Variants in DNAJA2 observed in about 807,000 individuals in gnomAD.
DNAJA2 encodes the protein dnaJ homolog subfamily A member 2.
A neutral mutation model predicts 49.3 loss-of-function variants in DNAJA2; 6 were observed. The observed-to-expected ratio is 0.12, with a 90% CI of 0.07 to 0.24. The LOEUF is 0.24. Ranked by LOEUF, DNAJA2 falls within the 10% of genes least tolerant of loss-of-function variation. The probability of loss-of-function intolerance (pLI) is 1.00; values close to 1 mark genes in which losing one functional copy is unlikely to be tolerated. For synonymous variants in DNAJA2, 160 were observed against 172.7 expected (o/e 0.93, Z 0.58); for missense variants, 347 against 516.8 (o/e 0.67, Z 3.19).
chr16:46,964,971 G>T (rs948455960), intron 5 of DNAJA2, among the ~76,000 whole-genome samples, 164 bp from the exon 6 acceptor site: 6 of 152,144 alleles, frequency 3.9e-5, no homozygotes, highest in African/African-American at 4.8e-5. Flanking sequence ...TGCAATCCCA[G>T]CATTTTGCGA....
chr16:46,963,575 C>A (rs530209136), intron 6 of DNAJA2, among the ~76,000 whole-genome samples: 1 of 151,088 alleles, frequency 6.6e-6, no homozygotes, highest in East Asian at 1.9e-4. Context: ...TGATGGTGCA[C>A]CAGTTGTCCC....
Position 46,958,704 on chromosome 16 carries a change from G to C in DNAJA2, c.1047+299C>G, listed in dbSNP as rs1160481442. On this transcript the variant is annotated intron_variant, in intron 8 of 8. Transcript: ENST00000317089. ...TAAGGCATGAGAATCACTTGAACCT[G>C]GGAGGCGGGGGGTACAGTGAGCCGA... 8 of 260,418 alleles carry C rather than the reference G, an allele frequency of 3.1e-5. No individual in the cohort carries two copies. The East Asian group carries it at 4.3e-4, about 14-fold the overall frequency. The allele number at this position is 260,418 out of a possible 1,614,324, so 16.1% of individuals were successfully genotyped here.
Position 46,971,576 on chromosome 16 carries a change from T to G in DNAJA2, c.139-4A>C. The stretch of plus-strand genomic sequence containing the variant: ...ATGCAAAACTTATTTCTTTAAACTA[T>G]AAAGAAAAGGTAAAAATAAAAATAA... On this transcript the variant is annotated splice_polypyrimidine_tract_variant and splice_region_variant and intron_variant, in intron 2 of 8. Coordinates refer to ENST00000317089, the MANE Select transcript of DNAJA2 (RefSeq NM_005880.4). 1 of 1,478,162 alleles carries G rather than the reference T, an allele frequency of 6.8e-7. No homozygotes were observed. 91.6% of individuals were successfully genotyped at this position (1,478,162 alleles called of 1,614,324 possible).
At chr16:46,957,285 T>TA in intron 8 of DNAJA2, 65 bp from the exon 9 acceptor site, 1 of 1,389,760 alleles carries the variant, frequency 7.2e-7, no homozygotes, top group African/African-American at 1.4e-5. Flanking sequence ...TTTTGATACA[T>TA]AGAATCCAGT....
chr16:46,968,608 C>A (rs1410419746), intron 3 of DNAJA2, among the ~76,000 whole-genome samples: 1 of 152,192 alleles, frequency 6.6e-6, no homozygotes, highest in Non-Finnish European at 1.5e-5. Flanking sequence ...ACATAGGTAT[C>A]TGGCTCCAGA....
chr16:46,965,690 G>A (rs1228438278), intron 5 of DNAJA2, among the ~76,000 whole-genome samples: 2 of 151,838 alleles, frequency 1.3e-5, no homozygotes, highest in Non-Finnish European at 2.9e-5. Context: ...AATCAGCCGG[G>A]CGTGGTGGCA....
chr16:46,964,462 G>C (rs952029198), intron 6 of DNAJA2, 149 bp downstream of exon 6: 4 of 686,746 alleles, frequency 5.8e-6, no homozygotes, highest in East Asian at 5.5e-5. Flanking sequence ...TCTTACACAA[G>C]CCCGTCTTAG....
intron 5 of DNAJA2, among the ~76,000 whole-genome samples, chr16:46,966,123 C>T (rs1225801133): frequency 1.3e-5 from 2 of 151,970 alleles, no homozygotes; most frequent in Non-Finnish European, 2.9e-5. Flanking sequence ...AATTGTGGGG[C>T]GAGGGGCTGA....
At chr16:46,965,025 C>A (rs1242818357) in intron 5 of DNAJA2, among the ~76,000 whole-genome samples, 2 of 152,056 alleles carry the variant, frequency 1.3e-5, no homozygotes, top group African/African-American at 4.8e-5. Flanking sequence ...CTGAGACCAG[C>A]CTAGCAACAC....
rs35534956 is a variant in DNAJA2, at chr16:46,956,437, T to TAAAAAA, written c.*586_*591dup. On this transcript the variant is annotated 3_prime_UTR_variant, in exon 9 of 9. Coordinates refer to ENST00000317089, the MANE Select transcript of DNAJA2 (RefSeq NM_005880.4). ...GTTTCAGAAACCTTTCACAAGATGGTAAAAAAAAAAAAAAAGAAAAAAGAA... is the reference window on the plus strand; with the variant it reads ...GTTTCAGAAACCTTTCACAAGATGGTAAAAAAAAAAAAAAAAAAAAAGAAAAAAGAA... 1 of 124,790 alleles carries TAAAAAA rather than the reference T, an allele frequency of 8.0e-6. No individual in the cohort carries two copies. Among genetic ancestry groups the TAAAAAA allele is most frequent in the African/African-American group, 3.0e-5 (1 of 33,476 alleles). The allele number at this position is 124,790 out of a possible 1,614,324, so 7.7% of individuals were successfully genotyped here.
At chr16:46,964,575 A>T (rs767835905) in intron 6 of DNAJA2, 36 bp downstream of exon 6, 1 of 1,577,430 alleles carries the variant, frequency 6.3e-7, no homozygotes, top group Non-Finnish European at 8.6e-7. Flanking sequence ...CTTCTGAATA[A>T]AACAAAATAC....
intron 6 of DNAJA2, chr16:46,959,734 GA>G: frequency 4.5e-6 from 1 of 219,928 alleles, no homozygotes; most frequent in South Asian, 9.4e-5. Context: ...TGCCTCTGGT[GA>G]AAAAGGTACA....
At chr16:46,972,178 G>C in intron 1 of DNAJA2, 1 of 487,014 alleles carries the variant, frequency 2.1e-6, no homozygotes, top group Non-Finnish European at 3.6e-6. Context: ...TTACAGTGAC[G>C]TGAAAACCAG....
At chr16:46,973,098 G>C (rs1209906294) in intron 1 of DNAJA2, among the ~76,000 whole-genome samples, 3 of 152,140 alleles carry the variant, frequency 2.0e-5, no homozygotes, top group South Asian at 2.1e-4. Context: ...CTTCTCTCTC[G>C]GGGCCGGGAT....
intron 4 of DNAJA2, 48 bp downstream of exon 4, chr16:46,968,036 T>C: frequency 6.7e-7 from 1 of 1,486,980 alleles, no homozygotes; most frequent in Admixed American, 2.2e-5. Flanking sequence ...AGTGTGATAC[T>C]TAAAAGAACA....
intron 3 of DNAJA2, among the ~76,000 whole-genome samples, chr16:46,971,094 T>C (rs571118992): frequency 1.3e-5 from 2 of 151,658 alleles, no homozygotes; most frequent in Admixed American, 1.3e-4. Context: ...TTAAGTCCTA[T>C]AATAACAAGC....
chr16:46,958,795 A>C (rs1316553822), intron 8 of DNAJA2: 9 of 481,338 alleles, frequency 1.9e-5, no homozygotes, highest in Non-Finnish European at 2.8e-5. Context: ...TTTTTTTTAA[A>C]TTAGCCAGGC....
chr16:46,968,045 C>A (rs1376148925), intron 4 of DNAJA2, 39 bp downstream of exon 4: 1 of 1,509,196 alleles, frequency 6.6e-7, no homozygotes, highest in Non-Finnish European at 9.0e-7. Flanking sequence ...CTTAAAAGAA[C>A]AGACAAAATG....
At position 46,956,983 on chromosome 16, in the gene DNAJA2, G is replaced by T; in HGVS notation, c.*46C>A. The T allele has an allele frequency of 6.2e-7, 1 of 1,604,952 alleles. No individual in the cohort carries two copies. Among genetic ancestry groups the T allele is most frequent in the South Asian group, 1.1e-5 (1 of 90,834 alleles). ...CAGCTGGATTGCTGAGAACAAATCA[G>T]GCAAATGTGGAAAGAAAATCCACCT... On this transcript the variant is annotated 3_prime_UTR_variant, in exon 9 of 9. Coordinates refer to ENST00000317089, the MANE Select transcript of DNAJA2 (RefSeq NM_005880.4).
Sources: gnomAD v4.1 joint callset for allele counts (sites outside exome capture counted in the v4.1 genomes callset) on GRCh38, gnomAD v4.1.1 for gene constraint, MANE v1.5 for transcripts, NCBI Gene and HGNC (gene_info 2026-07-23, HGNC 2026-07-21) for gene names.